The following MMP16 variants were observed in gnomAD, a reference collection of about 807,000 sequenced individuals.
MMP16 encodes the protein matrix metalloproteinase-16.
A neutral mutation model predicts 67.8 loss-of-function variants in MMP16; 12 were observed. The ratio of observed to expected loss-of-function variants is 0.18; its 90% CI spans 0.11 to 0.29. The LOEUF (loss-of-function observed/expected upper bound fraction) is 0.29, where lower values mean the gene tolerates loss of function less well. Ranked by LOEUF, MMP16 falls within the 10% of genes least tolerant of loss-of-function variation. The pLI, the probability that MMP16 is intolerant of heterozygous loss-of-function variation, is 1.00. For missense variants in MMP16, 475 were observed against 765.7 expected, an observed-to-expected ratio of 0.62 and a Z score of 4.48; for synonymous variants, 249 against 255.9, an observed-to-expected ratio of 0.97 and a Z score of 0.26.
intron 6 of MMP16, among the ~76,000 whole-genome samples, chr8:88,116,233 T>C (rs1429862048): frequency 1.3e-5 from 2 of 152,126 alleles, no homozygotes; most frequent in African/African-American, 2.4e-5. Context: ...TATGCTATTT[T>C]ATCTCTTCAT....
rs61133999 is a variant in MMP16, at chr8:88,174,757, CT to C, written c.405-6785del. On this transcript the variant is annotated intron_variant, in intron 3 of 9. Transcript: ENST00000286614. ...TTCCAGCTCCCTTACATTTTGACTG[CT>C]TTTTTTTTTTTTTTGAGATGGAGTC... Among the ~76,000 whole-genome samples the C allele has an allele frequency of 2.9e-3, 409 of 139,632 alleles. 1 individual carries two copies. Among genetic ancestry groups the C allele is most frequent in the Middle Eastern group, 3.8e-3 (1 of 266 alleles). The allele number at this position is 139,632 out of a possible 152,430, so 91.6% of individuals were successfully genotyped here.
At chr8:88,297,567 G>C (rs988082006) in intron 1 of MMP16, among the ~76,000 whole-genome samples, 1 of 152,286 alleles carries the variant, frequency 6.6e-6, no homozygotes, top group African/African-American at 2.4e-5. Context: ...ACTCAGCAGT[G>C]GTCTGCCAGA....
chr8:88,056,215 G>T lies in MMP16; in HGVS notation c.1286C>A (p.Thr429Asn). 6.2e-7 allele frequency: 1 copy of T among 1,601,040 alleles called. No homozygotes were observed. Among genetic ancestry groups the T allele is most frequent in the South Asian group, 1.1e-5 (1 of 89,270 alleles). The change falls in exon 8 of 10, where the codon ACC (threonine) becomes AAC (asparagine). Residue 429 changes from threonine to asparagine, a missense_variant. This residue lies in a region of MMP16 where 195 missense variants were observed against 300.9 expected (regional missense o/e 0.65). Transcript: ENST00000286614. ...ATGAGGGGGAATTCCACTTCCAAGG[G>T]TTATCAAGTCATGAGGGTAACCAGG... ...LQPGYPHDLI[T>N]LGSGIPPHGI...
chr8:88,074,407 A>G (rs979182465), intron 7 of MMP16, among the ~76,000 whole-genome samples, 198 bp downstream of exon 7: 6 of 152,106 alleles, frequency 3.9e-5, no homozygotes, highest in African/African-American at 1.4e-4. Context: ...ATATCTCTTA[A>G]ATCTGACATG....
chr8:88,308,359 A>G (rs1811242854), intron 1 of MMP16, among the ~76,000 whole-genome samples: 1 of 152,074 alleles, frequency 6.6e-6, no homozygotes, highest in African/African-American at 2.4e-5. Flanking sequence ...TGCTTTTGCC[A>G]TTATCAAGGG....
At chr8:88,135,178 A>C (rs1002696381) in intron 4 of MMP16, among the ~76,000 whole-genome samples, 6 of 151,820 alleles carry the variant, frequency 4.0e-5, no homozygotes, top group Non-Finnish European at 7.4e-5. Flanking sequence ...TTCATTAAGC[A>C]AACATTTATT....
intron 4 of MMP16, among the ~76,000 whole-genome samples, chr8:88,125,472 C>T (rs557110176): frequency 6.6e-6 from 1 of 151,702 alleles, no homozygotes; most frequent in South Asian, 2.1e-4. Context: ...ATGTAAGTGC[C>T]AAACATTTAT....
chr8:88,142,600 A>G (rs1353374236), intron 4 of MMP16, among the ~76,000 whole-genome samples: 1 of 152,192 alleles, frequency 6.6e-6, no homozygotes, highest in Admixed American at 6.5e-5. Context: ...AAAATATTAT[A>G]AACCATATTA....
At chr8:88,289,987 T>G (rs150725581) in intron 1 of MMP16, among the ~76,000 whole-genome samples, 4 of 152,092 alleles carry the variant, frequency 2.6e-5, no homozygotes, top group African/African-American at 9.7e-5. Context: ...GGCAGAACTC[T>G]CGCTTTATCT....
Position 88,160,443 on chromosome 8 carries a change from A to T in MMP16, c.709+7226T>A, listed in dbSNP as rs186245395. On this transcript the variant is annotated intron_variant, in intron 4 of 9. Coordinates refer to ENST00000286614, the MANE Select transcript of MMP16 (RefSeq NM_005941.5). ...GACGCAATAAATTTACAAGAAAAAAACAAACAACCCCATCAAAAAGTGGGC... is the reference window on the plus strand; with the variant it reads ...GACGCAATAAATTTACAAGAAAAAATCAAACAACCCCATCAAAAAGTGGGC... Among the ~76,000 whole-genome samples, 1,271 of 152,070 alleles carry T rather than the reference A, an allele frequency of 8.4e-3. 17 individuals carry two copies. The highest frequency in any genetic ancestry group is 0.075 in the Middle Eastern group (22 of 294).
chr8:88,318,015 C>A (rs1165499354), intron 1 of MMP16, among the ~76,000 whole-genome samples: 2 of 152,118 alleles, frequency 1.3e-5, no homozygotes, highest in African/African-American at 4.8e-5. Flanking sequence ...CTTTTAGCTT[C>A]TACTCAATAG....
chr8:88,049,432 A>C (rs1382488985), intron 8 of MMP16, among the ~76,000 whole-genome samples: 1 of 152,176 alleles, frequency 6.6e-6, no homozygotes, highest in African/African-American at 2.4e-5. Context: ...CTCTCAGGTA[A>C]ATATCTCAGT....
intron 1 of MMP16, among the ~76,000 whole-genome samples, chr8:88,279,677 C>T (rs974067279): frequency 2.0e-5 from 3 of 152,044 alleles, no homozygotes; most frequent in African/African-American, 4.8e-5. Context: ...TCACTGTAAA[C>T]GGGGCCACTG....
intron 1 of MMP16, among the ~76,000 whole-genome samples, chr8:88,305,876 A>AACT (rs1427213445): frequency 6.6e-6 from 1 of 152,176 alleles, no homozygotes; most frequent in Non-Finnish European, 1.5e-5. Context: ...CAACTAAAAG[A>AACT]ACTAGAGAAC....
rs139350926 is a variant in MMP16 at position 88,260,431 on chromosome 8, C to T, written c.133-63125G>A. Among the ~76,000 whole-genome samples, 1,334 of 151,484 alleles carry T rather than the reference C, an allele frequency of 8.8e-3. 10 individuals are homozygous for T. The highest frequency in any genetic ancestry group is 0.031 in the Middle Eastern group (9 of 294). ...TTTCACTTAAAAGTTTATTTTTTTTCGGATTTCTGGAGTCAATTATTGAAA... is the reference window on the plus strand; with the variant it reads ...TTTCACTTAAAAGTTTATTTTTTTTTGGATTTCTGGAGTCAATTATTGAAA... On this transcript the variant is annotated intron_variant, in intron 1 of 9. Coordinates refer to ENST00000286614, the MANE Select transcript of MMP16 (RefSeq NM_005941.5).
intron 1 of MMP16, among the ~76,000 whole-genome samples, chr8:88,318,754 A>T (rs1447076046): frequency 6.6e-6 from 1 of 152,194 alleles, no homozygotes; most frequent in Non-Finnish European, 1.5e-5. Context: ...ATGCGTTTAT[A>T]TATGAAACAT....
intron 6 of MMP16, among the ~76,000 whole-genome samples, chr8:88,097,167 C>G (rs1347162342): frequency 1.3e-5 from 2 of 151,804 alleles, no homozygotes; most frequent in African/African-American, 4.8e-5. Context: ...TTCATAAACT[C>G]AATTAGGGAA....
At chr8:88,075,106 C>T (rs1173825617) in intron 6 of MMP16, among the ~76,000 whole-genome samples, 2 of 151,938 alleles carry the variant, frequency 1.3e-5, no homozygotes, top group East Asian at 1.9e-4. Flanking sequence ...TGCTTCCTAA[C>T]GTTTTTAAAT....
chr8:88,161,566 A>G (rs547415703), intron 4 of MMP16, among the ~76,000 whole-genome samples: 1 of 151,538 alleles, frequency 6.6e-6, no homozygotes, highest in South Asian at 2.1e-4. Flanking sequence ...TTCTTCTCTG[A>G]TCTTAGTTAT....
Sources: allele counts gnomAD v4.1 joint callset (sites outside exome capture counted in the v4.1 genomes callset), GRCh38; gene constraint gnomAD v4.1.1; regional missense constraint gnomAD v4.1.1; transcripts MANE v1.5; gene names NCBI Gene and HGNC (gene_info 2026-07-23, HGNC 2026-07-21).